RAD18: variants seen among roughly 807,000 people sequenced by gnomAD.
RAD18 encodes E3 ubiquitin-protein ligase RAD18.
RAD18 carries 47 observed loss-of-function variants against 60.4 expected under a neutral mutation model. That is an observed-to-expected ratio of 0.78 (90% CI 0.62 to 0.99). The LOEUF (loss-of-function observed/expected upper bound fraction) is 0.99. RAD18 is among the 50% of genes least tolerant of loss of function. The probability of loss-of-function intolerance (pLI) is 0.00; values close to 1 mark genes in which losing one functional copy is unlikely to be tolerated. For synonymous variants in RAD18, 225 were observed against 195.5 expected, an observed-to-expected ratio of 1.15 and a Z score of -1.26; for missense variants, 640 against 593.3, an observed-to-expected ratio of 1.08 and a Z score of -0.82.
At chr3:8,920,773 C>T (rs144629008) in intron 7 of RAD18, among the ~76,000 whole-genome samples, 76 of 152,182 alleles carry the variant, frequency 5.0e-4, no homozygotes, top group African/African-American at 1.8e-3. Flanking sequence ...TTTAAAAGGC[C>T]AGTGTCATAA....
At chr3:8,882,064 G>A (rs1352824058) in intron 12 of RAD18, among the ~76,000 whole-genome samples, 2 of 152,198 alleles carry the variant, frequency 1.3e-5, no homozygotes, top group Admixed American at 1.3e-4. Flanking sequence ...TCCGTCAGGT[G>A]CTCACAAGAA....
chr3:8,915,184 G>A (rs1940178444), intron 7 of RAD18, among the ~76,000 whole-genome samples: 1 of 151,210 alleles, frequency 6.6e-6, no homozygotes, highest in African/African-American at 2.4e-5. Flanking sequence ...ATTAGGATTG[G>A]GTAGAATTTA....
intron 5 of RAD18, among the ~76,000 whole-genome samples, chr3:8,940,251 T>C (rs759707421): frequency 2.6e-5 from 4 of 152,120 alleles, no homozygotes; most frequent in Admixed American, 6.5e-5. Flanking sequence ...CAGACCACCA[T>C]GGATAATAGG....
chr3:8,902,835 C>T (rs1024434987), intron 9 of RAD18, among the ~76,000 whole-genome samples: 1 of 152,042 alleles, frequency 6.6e-6, no homozygotes, highest in Non-Finnish European at 1.5e-5. Flanking sequence ...ACCAGCCTGG[C>T]CAACATGGTG....
At chr3:8,916,046 C>T (rs1940194907) in intron 7 of RAD18, among the ~76,000 whole-genome samples, 1 of 152,200 alleles carries the variant, frequency 6.6e-6, no homozygotes, top group East Asian at 1.9e-4. Flanking sequence ...GCCCCAATCA[C>T]ATCTTTATCC....
chr3:8,934,449 G>A (rs1940616396), intron 7 of RAD18, among the ~76,000 whole-genome samples: 1 of 152,120 alleles, frequency 6.6e-6, no homozygotes, highest in Non-Finnish European at 1.5e-5. Flanking sequence ...ATTTAAACAG[G>A]TATTTCACTA....
intron 12 of RAD18, among the ~76,000 whole-genome samples, chr3:8,888,095 C>T (rs1158408468): frequency 1.3e-5 from 2 of 152,308 alleles, no homozygotes; most frequent in African/African-American, 4.8e-5. Context: ...CCTTGCCTTT[C>T]CTGAGAAAAC....
chr3:8,892,441 C>T (rs1425873542), intron 11 of RAD18, among the ~76,000 whole-genome samples: 3 of 152,154 alleles, frequency 2.0e-5, no homozygotes, highest in African/African-American at 4.8e-5. Flanking sequence ...ATCTTGAATT[C>T]GATGGAATTC....
In RAD18 at chr3:8,879,829, C is replaced by A. The variant is rs1939427513; in HGVS notation, c.*1528G>T. 1 of 152,244 alleles carries A rather than the reference C, an allele frequency of 6.6e-6. No homozygotes were observed. The highest frequency in any genetic ancestry group is 1.5e-5 in the Non-Finnish European group (1 of 68,046). 9.4% of individuals were successfully genotyped at this position (152,244 alleles called of 1,614,324 possible). ...GAACTCATGTGCCTACTTTCCCAAT[C>A]TTGGGTCTCACCGCTCCCTCACAAA... On this transcript the variant is annotated 3_prime_UTR_variant, in exon 13 of 13. Coordinates refer to ENST00000264926, the MANE Select transcript of RAD18 (RefSeq NM_020165.4).
intron 3 of RAD18, 52 bp downstream of exon 3, chr3:8,948,457 A>G: frequency 6.7e-7 from 1 of 1,487,354 alleles, no homozygotes; most frequent in Non-Finnish European, 9.4e-7. Flanking sequence ...TACACAAAGC[A>G]GAAATATTTG....
intron 11 of RAD18, 63 bp from the exon 12 acceptor site, chr3:8,890,514 A>G (rs749130800): frequency 7.9e-7 from 1 of 1,264,290 alleles, no homozygotes; most frequent in Non-Finnish European, 1.1e-6. Context: ...CCATTTATAT[A>G]AAATTCTAGA....
chr3:8,911,139 C>T (rs1052705540), intron 9 of RAD18, among the ~76,000 whole-genome samples: 2 of 152,170 alleles, frequency 1.3e-5, no homozygotes, highest in African/African-American at 4.8e-5. Flanking sequence ...CTTTGTGAAG[C>T]ACTTGACTTT....
rs1939442734 is a variant in RAD18 at position 8,880,734 on chromosome 3, T to C, written c.*623A>G. 1 of 152,226 alleles carries C rather than the reference T, an allele frequency of 6.6e-6. No individual in the cohort carries two copies. The highest frequency in any genetic ancestry group is 1.5e-5 in the Non-Finnish European group (1 of 68,050). The allele number at this position is 152,226 out of a possible 1,614,324, so 9.4% of individuals were successfully genotyped here. ...ATGTTTCTAAGTTATTGTGACTTTGTGACTGTCGTAGCTTTAAATTATAAT... is the reference window on the plus strand; with the variant it reads ...ATGTTTCTAAGTTATTGTGACTTTGCGACTGTCGTAGCTTTAAATTATAAT... On this transcript the variant is annotated 3_prime_UTR_variant, in exon 13 of 13. Transcript: ENST00000264926.
chr3:8,883,005 G>A (rs1457672766), intron 12 of RAD18, among the ~76,000 whole-genome samples: 2 of 152,136 alleles, frequency 1.3e-5, no homozygotes, highest in African/African-American at 4.8e-5. Flanking sequence ...CCTTCAATAG[G>A]CTTTAAGTGC....
intron 2 of RAD18, among the ~76,000 whole-genome samples, chr3:8,955,980 AT>A (rs1941003731): frequency 6.6e-6 from 1 of 152,222 alleles, no homozygotes; most frequent in Non-Finnish European, 1.5e-5. Flanking sequence ...ATAAAGTTTA[AT>A]TTATTAATAA....
At position 8,947,209 on chromosome 3, in the gene RAD18, T is replaced by C. The variant is rs963411678; in HGVS notation, c.266+11A>G. 2.3e-5 allele frequency: 37 copies of C among 1,581,418 alleles called. 1 individual carries two copies. The Admixed American group carries it at 2.9e-4, about 12-fold the overall frequency. On this transcript the variant is annotated intron_variant, in intron 4 of 12. Transcript: ENST00000264926. ...AAGTAGTTAGAGGTTAGTCACAAAA[T>C]TAAATCATACCGTGCAAAATTCAAG...
intron 7 of RAD18, among the ~76,000 whole-genome samples, chr3:8,923,285 G>C (rs887434535): frequency 3.3e-5 from 5 of 152,172 alleles, no homozygotes; most frequent in Non-Finnish European, 5.9e-5. Context: ...CTCAGTAGCC[G>C]ATTCGATCAA....
In RAD18 at chr3:8,963,344, T is replaced by A. The variant is rs374463788; in HGVS notation, c.42A>T (p.Ala14=). The A allele has an allele frequency of 1.9e-5, 31 of 1,611,594 alleles. No homozygotes were observed. Among genetic ancestry groups the A allele is most frequent in the Non-Finnish European group, 2.5e-5 (29 of 1,179,040 alleles). Residue 14 remains alanine (A), a synonymous_variant, in exon 1 of 13, where the codon GCA becomes GCT. Coordinates refer to ENST00000264926, the MANE Select transcript of RAD18 (RefSeq NM_020165.4). ...TCCCCGAAGCACTCACCTTCATGACTGCCAGGCCCGGAGGCCACCGAGACT... is the reference window on the plus strand; with the variant it reads ...TCCCCGAAGCACTCACCTTCATGACAGCCAGGCCCGGAGGCCACCGAGACT... ...LAESRWPPGL[A]VMKTIDDLLR...
chr3:8,928,877 G>C (rs1210584537), intron 7 of RAD18, among the ~76,000 whole-genome samples: 1 of 152,036 alleles, frequency 6.6e-6, no homozygotes, highest in Non-Finnish European at 1.5e-5. Context: ...AAATGTGAAA[G>C]GTCTGAAATG....
Sources: allele counts gnomAD v4.1 joint callset (sites outside exome capture counted in the v4.1 genomes callset), GRCh38; gene constraint gnomAD v4.1.1; transcripts MANE v1.5; gene names NCBI Gene and HGNC (gene_info 2026-07-23, HGNC 2026-07-21).